ANKRD17: variants seen among roughly 807,000 people sequenced by gnomAD.
ANKRD17 encodes ankyrin repeat domain-containing protein 17.
ANKRD17 carries 19 observed loss-of-function variants against 229.7 expected under a neutral mutation model. The observed-to-expected ratio is 0.08, with a 90% confidence interval of 0.06 to 0.12. ANKRD17 has a LOEUF of 0.12. Ranked by LOEUF, ANKRD17 falls within the 10% of genes least tolerant of loss-of-function variation. The pLI is 1.00. For missense variants in ANKRD17, 2,176 were observed against 3,176.8 expected (o/e 0.68, Z 7.57); for synonymous variants, 1,112 against 1,146.1 (o/e 0.97, Z 0.60).
At chr4:73,080,339 G>A (rs1721436655) in intron 30 of ANKRD17, among the ~76,000 whole-genome samples, 2 of 152,014 alleles carry the variant, frequency 1.3e-5, no homozygotes. Flanking sequence ...ATTCAAAAAT[G>A]AACGAAAAGA....
At chr4:73,170,655 G>A (rs1016064275) in intron 2 of ANKRD17, among the ~76,000 whole-genome samples, 1 of 151,168 alleles carries the variant, frequency 6.6e-6, no homozygotes, top group Admixed American at 6.6e-5. Context: ...GTTCTGAAGG[G>A]TGAGTCTCAG....
Position 73,126,069 on chromosome 4 carries a change from C to G in ANKRD17, c.3235-757G>C, listed in dbSNP as rs142025299. On this transcript the variant is annotated intron_variant, in intron 16 of 33. Coordinates refer to ENST00000358602, the MANE Select transcript of ANKRD17 (RefSeq NM_032217.5). ...CCTGGAGAGTTTCCAGGCTATAGTG[C>G]AAGGAGCAAGTATCCAAACAACCTG... 6.6e-5 allele frequency among the ~76,000 whole-genome samples: 10 copies of G among 152,182 alleles called. No homozygotes were observed. The East Asian group carries it at 1.9e-3, about 29-fold the overall frequency.
intron 2 of ANKRD17, among the ~76,000 whole-genome samples, chr4:73,163,602 TAA>T (rs971081825): frequency 1.3e-5 from 2 of 152,224 alleles, no homozygotes; most frequent in African/African-American, 2.4e-5. Context: ...TAATATCACA[TAA>T]GTTTCATGTT....
chr4:73,250,601 A>AAAAAC (rs1744917770), intron 1 of ANKRD17, among the ~76,000 whole-genome samples: 1 of 148,574 alleles, frequency 6.7e-6, no homozygotes, highest in Admixed American at 6.7e-5. Context: ...AAAAAAAAAA[A>AAAAAC]AAAAAAAAAA....
In ANKRD17 at chr4:73,228,637, T is replaced by A. The variant is rs77101216; in HGVS notation, c.393+29639A>T. On this transcript the variant is annotated intron_variant, in intron 1 of 33. Coordinates refer to ENST00000358602, the MANE Select transcript of ANKRD17 (RefSeq NM_032217.5). Reference sequence around the variant, plus strand: ...GATACTATTATGCATACTTTCTGTATCCCAATTTTAATATTTAATACTCCA... The same window carrying A: ...GATACTATTATGCATACTTTCTGTAACCCAATTTTAATATTTAATACTCCA... 2.4e-3 allele frequency among the ~76,000 whole-genome samples: 368 copies of A among 152,318 alleles called. 2 individuals carry two copies. The highest frequency in any genetic ancestry group is 0.016 in the South Asian group (77 of 4,822).
chr4:73,116,027 T>C, intron 22 of ANKRD17, 111 bp from the exon 23 acceptor site: 1 of 843,256 alleles, frequency 1.2e-6, no homozygotes, highest in South Asian at 1.6e-5. Context: ...AAAGACTAAA[T>C]TGCATATTTA....
At position 73,161,174 on chromosome 4, in the gene ANKRD17, C is replaced by T. The variant is rs758166920; in HGVS notation, c.704+18G>A. On this transcript the variant is annotated intron_variant, in intron 3 of 33. Coordinates refer to ENST00000358602, the MANE Select transcript of ANKRD17 (RefSeq NM_032217.5). ...TAAGAAAATGATTTCATACTGATGG[C>T]AGCAAAAATGTACTTACTTGTCCGA... 30 of 1,606,600 alleles carry T rather than the reference C, an allele frequency of 1.9e-5. No individual in the cohort carries two copies. The South Asian group carries it at 3.2e-4, about 17-fold the overall frequency.
At chr4:73,092,369 T>G (rs1477441845) in intron 28 of ANKRD17, 69 bp from the exon 29 acceptor site, 2 of 1,234,774 alleles carry the variant, frequency 1.6e-6, no homozygotes, top group Non-Finnish European at 2.2e-6. Context: ...GTTTTTAATA[T>G]GTATTTATGT....
intron 7 of ANKRD17, among the ~76,000 whole-genome samples, chr4:73,149,761 A>T (rs1013367281): frequency 5.3e-5 from 8 of 152,092 alleles, no homozygotes; most frequent in Non-Finnish European, 8.8e-5. Context: ...GCTACTCAAG[A>T]GGCTGAGGAG....
At chr4:73,242,805 T>A (rs1744164114) in intron 1 of ANKRD17, among the ~76,000 whole-genome samples, 1 of 152,152 alleles carries the variant, frequency 6.6e-6, no homozygotes, top group African/African-American at 2.4e-5. Flanking sequence ...CCACCCCACT[T>A]CCACCCACAA....
At chr4:73,196,025 G>C (rs1417878954) in intron 1 of ANKRD17, among the ~76,000 whole-genome samples, 1 of 32,966 alleles carries the variant, frequency 3.0e-5, no homozygotes, top group Admixed American at 3.6e-4. Flanking sequence ...TTTTTTTTTT[G>C]AGATGGAGTC....
At chr4:73,248,685 TGTAA>T (rs1442911184) in intron 1 of ANKRD17, among the ~76,000 whole-genome samples, 8 of 152,172 alleles carry the variant, frequency 5.3e-5, no homozygotes, top group African/African-American at 1.9e-4. Flanking sequence ...TTTCAATGTA[TGTAA>T]GTTTTACTAA....
chr4:73,166,653 A>T (rs1377518912), intron 2 of ANKRD17, among the ~76,000 whole-genome samples: 3 of 152,162 alleles, frequency 2.0e-5, no homozygotes, highest in African/African-American at 7.2e-5. Flanking sequence ...AATAAATCTG[A>T]ATCTGATCAA....
At chr4:73,128,193 T>C (rs958210419) in intron 16 of ANKRD17, among the ~76,000 whole-genome samples, 3 of 152,280 alleles carry the variant, frequency 2.0e-5, no homozygotes, top group African/African-American at 7.2e-5. Flanking sequence ...AACTTTCCGA[T>C]GGCCACATAA....
chr4:73,231,781 T>C (rs1041306690), intron 1 of ANKRD17, among the ~76,000 whole-genome samples: 5 of 152,088 alleles, frequency 3.3e-5, no homozygotes, highest in Admixed American at 3.3e-4. Flanking sequence ...CCAACTCCCA[T>C]ACTCCAAAAA....
At position 73,092,158 on chromosome 4, in the gene ANKRD17, T is replaced by A. The variant is rs747806965; in HGVS notation, c.5470A>T (p.Thr1824Ser). ...AAGGAAGTGTTAGCAGCAGTGGTGG[T>A]AGGTGCTGATGACCCTATTTTGGAA... is the stretch of plus-strand genomic sequence containing the variant. ...ANSKIGSSAP[T>S]TTAANTSLMG... The change falls in exon 29 of 34, where the codon ACC becomes TCC. Residue 1824 changes from threonine to serine, a missense_variant. Around this residue, in one of 18 missense-constraint regions of ANKRD17, gnomAD observed 142 missense variants for 200.4 expected, o/e 0.71. Transcript: ENST00000358602. 1.2e-6 allele frequency: 2 copies of A among 1,614,194 alleles called. No individual in the cohort carries two copies. Among genetic ancestry groups the A allele is most frequent in the Non-Finnish European group, 1.7e-6 (2 of 1,180,030 alleles).
intron 29 of ANKRD17, among the ~76,000 whole-genome samples, chr4:73,088,798 T>C (rs888957431): frequency 6.6e-6 from 1 of 152,212 alleles, no homozygotes; most frequent in African/African-American, 2.4e-5. Context: ...TTGGAAATTT[T>C]TGTCCCGGAA....
chr4:73,114,152 A>G (rs1725651998), intron 23 of ANKRD17, among the ~76,000 whole-genome samples: 1 of 152,238 alleles, frequency 6.6e-6, no homozygotes, highest in Non-Finnish European at 1.5e-5. Flanking sequence ...CAGGCACTTC[A>G]GAAACTAAAG....
intron 1 of ANKRD17, among the ~76,000 whole-genome samples, chr4:73,226,099 C>A (rs1742464356): frequency 6.7e-6 from 1 of 150,066 alleles, no homozygotes; most frequent in Non-Finnish European, 1.5e-5. Flanking sequence ...CCTCAGCTTC[C>A]CGAGTAGCTG....
Sources: gnomAD v4.1 joint callset for allele counts (sites outside exome capture counted in the v4.1 genomes callset) on GRCh38, gnomAD v4.1.1 for gene constraint, gnomAD v4.1.1 regional missense constraint, MANE v1.5 for transcripts, NCBI Gene and HGNC (gene_info 2026-07-23, HGNC 2026-07-21) for gene names.